Variants in HTR2B observed in about 807,000 individuals in gnomAD.
The protein encoded by HTR2B is 5-hydroxytryptamine receptor 2B.
In HTR2B, 31 loss-of-function variants were observed where a neutral mutation model predicts 39.8. That is an observed-to-expected ratio of 0.78 (90% confidence interval 0.58 to 1.05). The LOEUF (loss-of-function observed/expected upper bound fraction) is 1.05. Among genes scored for constraint, HTR2B ranks in the 50% least tolerant of loss-of-function variants. The probability of loss-of-function intolerance (pLI) is 0.00; values close to 1 mark genes in which losing one functional copy is unlikely to be tolerated. For missense variants in HTR2B, 562 were observed against 578.0 expected (o/e 0.97, Z 0.28); for synonymous variants, 210 against 207.1 (o/e 1.01, Z -0.12).
chr2:231,116,920 GA>G (rs1019677414), intron 2 of HTR2B, among the ~76,000 whole-genome samples: 1 of 151,642 alleles, frequency 6.6e-6, no homozygotes, highest in African/African-American at 2.4e-5. Context: ...TAATATAAAA[GA>G]AAAAGATAAC....
chr2:231,113,723 A>G lies in HTR2B; in HGVS notation c.553+6T>C, dbSNP rs1695235572. ...TACCACCCACACTCTGGCATTCTCT[A>G]CATACCTATTGAAATTAACCACACC... On this transcript the variant is annotated splice_donor_region_variant and intron_variant, in intron 3 of 3. Coordinates refer to ENST00000258400, the MANE Select transcript of HTR2B (RefSeq NM_000867.5). The G allele has an allele frequency of 1.9e-6, 3 of 1,611,414 alleles. No homozygotes were observed. The highest frequency in any genetic ancestry group is 2.5e-6 in the Non-Finnish European group (3 of 1,177,700).
Position 231,108,858 on chromosome 2 carries a change from C to T in HTR2B, c.1105G>A (p.Gly369Ser). 6.2e-7 allele frequency: 1 copy of T among 1,614,096 alleles called. No homozygotes were observed. The highest frequency in any genetic ancestry group is 1.3e-5 in the African/African-American group (1 of 75,030). The change falls in exon 4 of 4, where the codon GGC becomes AGC. Residue 369 changes from glycine to serine, a missense_variant. Coordinates refer to ENST00000258400, the MANE Select transcript of HTR2B (RefSeq NM_000867.5). Reference protein sequence around the residue: ...QMLLEIFVWIGYVSSGVNPLV... With the variant: ...QMLLEIFVWISYVSSGVNPLV... ...GGATTCACTCCTGAGGAAACATAGCCTATCCACACAAATATCTCCAGGAGC... is the reference window on the plus strand; with the variant it reads ...GGATTCACTCCTGAGGAAACATAGCTTATCCACACAAATATCTCCAGGAGC...
rs1294995476 is a variant in HTR2B at position 231,113,825 on chromosome 2, G to T, written c.457C>A (p.Arg153Ser). The change falls in exon 3 of 4, where the codon CGT becomes AGT. Residue 153 changes from arginine to serine, a missense_variant. Arg to Ser is a moderately radical substitution (Grantham distance 110, BLOSUM62 -1). Transcript: ENST00000258400. ...ATTGGCTTTTTGATGGCTATGTAAC[G>T]ATCCACTGAAATGGCACAGAGATGC... ...IMHLCAISVD[R>S]YIAIKKPIQA... 7 of 1,614,008 alleles carry T rather than the reference G, an allele frequency of 4.3e-6. No homozygotes were observed. The highest frequency in any genetic ancestry group is 5.9e-6 in the Non-Finnish European group (7 of 1,179,908).
intron 3 of HTR2B, 128 bp from the exon 4 acceptor site, chr2:231,109,537 G>C: frequency 1.3e-6 from 1 of 788,492 alleles, no homozygotes; most frequent in East Asian, 2.6e-5. Context: ...GACCCACAAT[G>C]CAGGATTTGT....
chr2:231,114,188 G>A (rs1251133170), intron 2 of HTR2B, among the ~76,000 whole-genome samples: 1 of 152,012 alleles, frequency 6.6e-6, no homozygotes, highest in Non-Finnish European at 1.5e-5. Flanking sequence ...TAACTTTTTA[G>A]CATTATTATG....
rs1354217184 is a variant in HTR2B at position 231,123,578 on chromosome 2, T to C, written c.187A>G (p.Met63Val). Residue 63 changes from methionine (M) to valine (V), a missense_variant, in exon 2 of 4, where the codon ATG (methionine) becomes GTG (valine). Met to Val is a conservative substitution (Grantham distance 21). Coordinates refer to ENST00000258400, the MANE Select transcript of HTR2B (RefSeq NM_000867.5). ...CCACCAATTGTGGGTATTATCACCATGAGTATCAGAAGAGCTGCCCAGTGC... is the reference window on the plus strand; with the variant it reads ...CCACCAATTGTGGGTATTATCACCACGAGTATCAGAAGAGCTGCCCAGTGC... The part of the protein sequence containing the change: ...KLHWAALLIL[M>V]VIIPTIGGNT... The C allele has an allele frequency of 5.0e-6, 8 of 1,614,130 alleles. No individual in the cohort carries two copies. The highest frequency in any genetic ancestry group is 1.7e-5 in the Admixed American group (1 of 60,018).
rs780394258 is a variant in HTR2B at position 231,123,710 on chromosome 2, A to G, written c.55T>C (p.Leu19=). ...ATAACGTGAACAAAGGTGCTCTGCAAAATGTGCTCAGGAATTGTGCTTTGA... is the reference window on the plus strand; with the variant it reads ...ATAACGTGAACAAAGGTGCTCTGCAGAATGTGCTCAGGAATTGTGCTTTGA... ...ELQSTIPEHI[L]QSTFVHVISS... The change falls in exon 2 of 4, where the codon TTG becomes CTG. Residue 19 remains leucine, a synonymous_variant. Coordinates refer to ENST00000258400, the MANE Select transcript of HTR2B (RefSeq NM_000867.5). 1 of 1,614,138 alleles carries G rather than the reference A, an allele frequency of 6.2e-7. No individual in the cohort carries two copies. Among genetic ancestry groups the G allele is most frequent in the South Asian group, 1.1e-5 (1 of 91,086 alleles).
At chr2:231,119,869 C>CAA (rs78246469) in intron 2 of HTR2B, among the ~76,000 whole-genome samples, 84 of 79,536 alleles carry the variant, frequency 1.1e-3, no homozygotes, top group Non-Finnish European at 1.5e-3. Flanking sequence ...GACTCCGTCT[C>CAA]AAAAAAAAAA....
chr2:231,108,801 G>T lies in HTR2B; in HGVS notation c.1162C>A (p.Arg388=), dbSNP rs77982984. Reference sequence around the variant, plus strand: ...GTGATATATCGGCCAAATGCATCCCGAAATGTCTTATTGAAGAGGGTGTAG... The same window carrying T: ...GTGATATATCGGCCAAATGCATCCCTAAATGTCTTATTGAAGAGGGTGTAG... ...LVYTLFNKTF[R]DAFGRYITCN... Residue 388 remains arginine (R), a synonymous_variant, in exon 4 of 4, where the codon CGG becomes AGG. Transcript: ENST00000258400. 3.7e-6 allele frequency: 6 copies of T among 1,614,104 alleles called. No individual in the cohort carries two copies. The highest frequency in any genetic ancestry group is 2.2e-5 in the East Asian group (1 of 44,880).
At chr2:231,115,569 A>G (rs1471620135) in intron 2 of HTR2B, among the ~76,000 whole-genome samples, 1 of 152,156 alleles carries the variant, frequency 6.6e-6, no homozygotes, top group Non-Finnish European at 1.5e-5. Flanking sequence ...ATTACTGTAA[A>G]TAAACTTTGC....
Position 231,123,754 on chromosome 2 carries a change from G to A in HTR2B, c.11C>T (p.Ser4Phe), listed in dbSNP as rs145364798. 3.1e-6 allele frequency: 5 copies of A among 1,613,318 alleles called. No individual in the cohort carries two copies. Among genetic ancestry groups the A allele is most frequent in the Non-Finnish European group, 4.2e-6 (5 of 1,179,378 alleles). Residue 4 changes from serine to phenylalanine, a missense_variant, in exon 2 of 4, where the codon TCT becomes TTT. Transcript: ENST00000258400. ...GCTTTGAAGTTCAGACACTCTGTAAGAGAGAGCCATTTGCTGTTTTTCTGT... is the reference window on the plus strand; with the variant it reads ...GCTTTGAAGTTCAGACACTCTGTAAAAGAGAGCCATTTGCTGTTTTTCTGT... MALSYRVSELQSTI... is the reference protein window; with the variant it reads MALFYRVSELQSTI...
intron 2 of HTR2B, among the ~76,000 whole-genome samples, chr2:231,116,029 T>C (rs1350162666): frequency 1.3e-5 from 2 of 152,250 alleles, no homozygotes; most frequent in East Asian, 1.9e-4. Flanking sequence ...GCACTTGGAA[T>C]GTCTCATGGA....
intron 2 of HTR2B, among the ~76,000 whole-genome samples, chr2:231,117,208 C>T (rs1016121536): frequency 2.8e-4 from 43 of 151,826 alleles, no homozygotes; most frequent in Non-Finnish European, 5.6e-4. Flanking sequence ...TATTTCAAAA[C>T]GTTTATTTTA....
chr2:231,111,192 A>G (rs1029387886), intron 3 of HTR2B, among the ~76,000 whole-genome samples: 2 of 151,982 alleles, frequency 1.3e-5, no homozygotes, highest in African/African-American at 4.8e-5. Context: ...GAACTCTTTG[A>G]CTCTAATTAT....
rs1194478808 is a variant in HTR2B, at chr2:231,113,326, AATCTTTTAAAAT to A, written c.553+391_553+402del. On this transcript the variant is annotated intron_variant, in intron 3 of 3. Transcript: ENST00000258400. The stretch of plus-strand genomic sequence containing the variant: ...TGTTATTTTTGTTTTTTCTCTTATT[AATCTTTTAAAAT>A]GTGATTTAAGGTGCATTTCTTGTTA... Among the ~76,000 whole-genome samples the A allele has an allele frequency of 1.1e-3, 174 of 152,278 alleles. 1 individual carries two copies. Among genetic ancestry groups the A allele is most frequent in the African/African-American group, 3.9e-3 (160 of 41,548 alleles).
chr2:231,121,942 G>A (rs1335545937), intron 2 of HTR2B, among the ~76,000 whole-genome samples: 1 of 152,024 alleles, frequency 6.6e-6, no homozygotes, highest in African/African-American at 2.4e-5. Context: ...TATGCACATG[G>A]AGATGAGAGC....
intron 1 of HTR2B, among the ~76,000 whole-genome samples, 168 bp from the exon 2 acceptor site, chr2:231,124,298 G>C (rs1695661675): frequency 6.6e-6 from 1 of 152,140 alleles, no homozygotes; most frequent in African/African-American, 2.4e-5. Flanking sequence ...TAATGAAACA[G>C]AAGACACATT....
chr2:231,112,754 G>A (rs1649947916), intron 3 of HTR2B, among the ~76,000 whole-genome samples: 1 of 152,180 alleles, frequency 6.6e-6, no homozygotes, highest in African/African-American at 2.4e-5. Context: ...ATAGCTTTGA[G>A]TATTATAGAT....
In HTR2B at chr2:231,108,856, G is replaced by A. The variant is rs1420739620; in HGVS notation, c.1107C>T (p.Gly369=). 1.9e-6 allele frequency: 3 copies of A among 1,614,126 alleles called. No individual in the cohort carries two copies. The highest frequency in any genetic ancestry group is 1.1e-5 in the South Asian group (1 of 91,084). ...AAGGATTCACTCCTGAGGAAACATAGCCTATCCACACAAATATCTCCAGGA... is the reference window on the plus strand; with the variant it reads ...AAGGATTCACTCCTGAGGAAACATAACCTATCCACACAAATATCTCCAGGA... ...QMLLEIFVWI[G]YVSSGVNPLV... The change falls in exon 4 of 4, where the codon GGC becomes GGT. Residue 369 remains glycine (G), a synonymous_variant. Transcript: ENST00000258400.
Sources: allele counts gnomAD v4.1 joint callset (sites outside exome capture counted in the v4.1 genomes callset), GRCh38; gene constraint gnomAD v4.1.1; transcripts MANE v1.5; gene names NCBI Gene and HGNC (gene_info 2026-07-23, HGNC 2026-07-21).